ZNF892: variants seen among roughly 807,000 people sequenced by gnomAD.
ZNF892 encodes zinc finger protein 570-like.
the ZNF892 span, among the ~76,000 whole-genome samples, chr2:95,211,026 A>G: frequency 1.3e-5 from 2 of 152,052 alleles, no homozygotes; most frequent in African/African-American, 2.4e-5. Flanking sequence ...CAACTGGGGG[A>G]CGCGGGCAGA....
the ZNF892 span, among the ~76,000 whole-genome samples, chr2:95,248,694 C>T: frequency 6.6e-6 from 1 of 152,010 alleles, no homozygotes; most frequent in Non-Finnish European, 1.5e-5. Context: ...AATTTTATAT[C>T]AGCACATTTT....
chr2:95,235,599 G>GA, the ZNF892 span, among the ~76,000 whole-genome samples: 1 of 152,088 alleles, frequency 6.6e-6, no homozygotes, highest in Non-Finnish European at 1.5e-5. Flanking sequence ...CTGACCTTGT[G>GA]ATCCGCCCAC....
At chr2:95,231,977 T>C in the ZNF892 span, 1 of 152,116 alleles carries the variant, frequency 6.6e-6, no homozygotes, top group East Asian at 1.9e-4. Context: ...AGCTGGACAT[T>C]TTTTATCTTT....
At chr2:95,235,914 G>T in the ZNF892 span, among the ~76,000 whole-genome samples, 1 of 152,134 alleles carries the variant, frequency 6.6e-6, no homozygotes, top group African/African-American at 2.4e-5. Context: ...ACTGTTCAAC[G>T]CCTCCCCAGA....
chr2:95,207,899 C>G, the ZNF892 span: 1 of 398,462 alleles, frequency 2.5e-6, no homozygotes, highest in African/African-American at 2.1e-5. Context: ...GAAAGGCTAC[C>G]TCTGGCTGGC....
the ZNF892 span, among the ~76,000 whole-genome samples, chr2:95,211,197 A>G: frequency 6.6e-6 from 1 of 152,254 alleles, no homozygotes; most frequent in Admixed American, 6.5e-5. Context: ...TAGGAAAACT[A>G]GAGAAAAAAT....
At chr2:95,218,829 T>G in the ZNF892 span, among the ~76,000 whole-genome samples, 3 of 152,226 alleles carry the variant, frequency 2.0e-5, no homozygotes, top group Non-Finnish European at 4.4e-5. Flanking sequence ...TGCATAGGTG[T>G]GGAGAGAAAT....
the ZNF892 span, among the ~76,000 whole-genome samples, chr2:95,235,024 TTGG>T: frequency 6.6e-6 from 1 of 152,134 alleles, no homozygotes; most frequent in African/African-American, 2.4e-5. Flanking sequence ...TTGAACTGAA[TTGG>T]AGGTCACCCA....
chr2:95,256,374 T>TAAGAA, the ZNF892 span, among the ~76,000 whole-genome samples: 1 of 152,248 alleles, frequency 6.6e-6, no homozygotes, highest in Non-Finnish European at 1.5e-5. Context: ...GAAAATTCTT[T>TAAGAA]TCTTTAAGAA....
the ZNF892 span, among the ~76,000 whole-genome samples, chr2:95,239,230 T>C: frequency 6.6e-6 from 1 of 152,006 alleles, no homozygotes; most frequent in African/African-American, 2.4e-5. Flanking sequence ...AACAGACAGT[T>C]GCTTCTTGTG....
the ZNF892 span, among the ~76,000 whole-genome samples, chr2:95,236,343 A>G: frequency 5.2e-5 from 8 of 152,384 alleles, no homozygotes; most frequent in Admixed American, 1.3e-4. Flanking sequence ...ATAATTTACC[A>G]GACTGCTGTA....
chr2:95,231,634 G>T, the ZNF892 span, among the ~76,000 whole-genome samples: 5 of 152,206 alleles, frequency 3.3e-5, no homozygotes, highest in Non-Finnish European at 7.3e-5. Flanking sequence ...GCAAAAGCTT[G>T]AAGTTGGCTG....
chr2:95,214,967 G>A, the ZNF892 span: 2 of 487,540 alleles, frequency 4.1e-6, no homozygotes, highest in Non-Finnish European at 7.5e-6. Flanking sequence ...ATGAATGCGG[G>A]AAGGCCTTTA....
At chr2:95,248,547 T>G in the ZNF892 span, among the ~76,000 whole-genome samples, 1 of 152,154 alleles carries the variant, frequency 6.6e-6, no homozygotes, top group Non-Finnish European at 1.5e-5. Context: ...ATTATTTTGA[T>G]AGGATATAGA....
chr2:95,248,435 C>T, the ZNF892 span, among the ~76,000 whole-genome samples: 2 of 152,174 alleles, frequency 1.3e-5, no homozygotes, highest in African/African-American at 2.4e-5. Flanking sequence ...CTCCAAACCT[C>T]AGCATCATGG....
chr2:95,260,841 C>T, the ZNF892 span, among the ~76,000 whole-genome samples: 8 of 152,140 alleles, frequency 5.3e-5, no homozygotes, highest in African/African-American at 1.4e-4. Context: ...TTGGTGAAGC[C>T]GGGGGTCAAT....
the ZNF892 span, among the ~76,000 whole-genome samples, chr2:95,235,449 C>T: frequency 4.6e-5 from 7 of 151,994 alleles, no homozygotes; most frequent in Admixed American, 3.9e-4. Context: ...GCAACCTCCA[C>T]CTCTCGGGCT....
At chr2:95,215,432 T>G in the ZNF892 span, 1 of 441,150 alleles carries the variant, frequency 2.3e-6, no homozygotes, top group Non-Finnish European at 4.1e-6. Context: ...ATCAGAAAAC[T>G]CACACTGGAG....
At chr2:95,222,987 TG>T in the ZNF892 span, among the ~76,000 whole-genome samples, 1 of 152,238 alleles carries the variant, frequency 6.6e-6, no homozygotes, top group Admixed American at 6.5e-5. Flanking sequence ...GCATCATTTG[TG>T]GAAAACATAG....
Sources: allele counts gnomAD v4.1 joint callset (sites outside exome capture counted in the v4.1 genomes callset), GRCh38; gene constraint gnomAD v4.1.1; transcripts MANE v1.5; gene names NCBI Gene and HGNC (gene_info 2026-07-23, HGNC 2026-07-21).